The following TRPS1 variants were observed in gnomAD, a reference collection of about 807,000 sequenced individuals.
TRPS1 encodes the protein transcriptional repressor GATA binding 1.
A neutral mutation model predicts 101.2 loss-of-function variants in TRPS1; 6 were observed. The observed-to-expected ratio is 0.06, with a 90% CI of 0.03 to 0.12. TRPS1 has a LOEUF of 0.12. Among genes scored for constraint, TRPS1 ranks in the 10% least tolerant of loss-of-function variants. TRPS1 has a pLI of 1.00. For synonymous variants in TRPS1, 578 were observed against 589.8 expected, an observed-to-expected ratio of 0.98 and a Z score of 0.29; for missense variants, 1,363 against 1,567.0, an observed-to-expected ratio of 0.87 and a Z score of 2.20.
At chr8:115,479,423 G>A (rs1175245616) in intron 5 of TRPS1, among the ~76,000 whole-genome samples, 1 of 151,956 alleles carries the variant, frequency 6.6e-6, no homozygotes, top group Non-Finnish European at 1.5e-5. Context: ...AATATATAGT[G>A]GTTTGCACAG....
At chr8:115,582,196 T>A (rs575437313) in intron 5 of TRPS1, among the ~76,000 whole-genome samples, 1 of 152,318 alleles carries the variant, frequency 6.6e-6, no homozygotes, top group East Asian at 1.9e-4. Flanking sequence ...AACTGGAATT[T>A]TGCTTTCATT....
intron 5 of TRPS1, among the ~76,000 whole-genome samples, chr8:115,526,442 T>A (rs545204329): frequency 6.6e-6 from 1 of 152,306 alleles, no homozygotes; most frequent in South Asian, 2.1e-4. Flanking sequence ...TAATATATTT[T>A]AAAAAACAGT....
intron 5 of TRPS1, among the ~76,000 whole-genome samples, chr8:115,482,696 T>A (rs923116201): frequency 7.2e-5 from 11 of 152,172 alleles, no homozygotes; most frequent in Non-Finnish European, 2.9e-5. Context: ...TTGGTTCTTT[T>A]CATCAAAGAT....
At chr8:115,558,575 C>A (rs973866813) in intron 5 of TRPS1, among the ~76,000 whole-genome samples, 7 of 152,186 alleles carry the variant, frequency 4.6e-5, no homozygotes, top group African/African-American at 9.6e-5. Context: ...ATGAAAAACA[C>A]TTACTCCTGG....
chr8:115,647,404 T>TA (rs936546763), intron 1 of TRPS1, among the ~76,000 whole-genome samples: 2 of 152,148 alleles, frequency 1.3e-5, no homozygotes, highest in African/African-American at 4.8e-5. Context: ...GCTACTGTCT[T>TA]AAAGTTCATA....
intron 3 of TRPS1, among the ~76,000 whole-genome samples, chr8:115,616,884 A>G (rs1818287329): frequency 6.6e-6 from 1 of 152,132 alleles, no homozygotes; most frequent in Non-Finnish European, 1.5e-5. Flanking sequence ...AGTAACATAA[A>G]CTTGTTGGTA....
chr8:115,522,170 T>TA (rs1815881082), intron 5 of TRPS1, among the ~76,000 whole-genome samples: 1 of 152,034 alleles, frequency 6.6e-6, no homozygotes, highest in Admixed American at 6.6e-5. Flanking sequence ...ACCAACCTGT[T>TA]AGAATTATAG....
intron 2 of TRPS1, 84 bp from the exon 3 acceptor site, chr8:115,620,144 T>G (rs1818361830): frequency 7.0e-7 from 1 of 1,426,872 alleles, no homozygotes; most frequent in African/African-American, 1.4e-5. Flanking sequence ...TTTACTTATG[T>G]GAGTTTTTTA....
intron 1 of TRPS1, among the ~76,000 whole-genome samples, chr8:115,654,148 G>A (rs368053534): frequency 7.9e-5 from 12 of 152,080 alleles, no homozygotes; most frequent in African/African-American, 2.4e-4. Flanking sequence ...CTCCAACAAA[G>A]TATGATTAAA....
chr8:115,584,249 T>G (rs1047788376), intron 5 of TRPS1, among the ~76,000 whole-genome samples: 1 of 152,010 alleles, frequency 6.6e-6, no homozygotes, highest in Non-Finnish European at 1.5e-5. Context: ...AATGATTAAG[T>G]TTTACTTTAG....
At chr8:115,647,065 G>C (rs1253551815) in intron 1 of TRPS1, among the ~76,000 whole-genome samples, 1 of 152,050 alleles carries the variant, frequency 6.6e-6, no homozygotes, top group African/African-American at 2.4e-5. Context: ...TCACCTACAA[G>C]TTAAAATGGC....
intron 3 of TRPS1, among the ~76,000 whole-genome samples, chr8:115,617,187 T>C (rs1818293835): frequency 6.6e-6 from 1 of 152,244 alleles, no homozygotes; most frequent in African/African-American, 2.4e-5. Flanking sequence ...AACAGTATTA[T>C]TTATCTTGGA....
At chr8:115,503,948 C>T (rs571625550) in intron 5 of TRPS1, among the ~76,000 whole-genome samples, 2 of 152,172 alleles carry the variant, frequency 1.3e-5, no homozygotes, top group Non-Finnish European at 2.9e-5. Context: ...CAATAACTTA[C>T]ATATTTTTCC....
chr8:115,585,092 G>C (rs1053064812), intron 5 of TRPS1, among the ~76,000 whole-genome samples: 1 of 152,088 alleles, frequency 6.6e-6, no homozygotes, highest in Non-Finnish European at 1.5e-5. Flanking sequence ...TCATAGGGTT[G>C]GAATTTGGCT....
chr8:115,413,525 C>T lies in TRPS1; in HGVS notation c.*498G>A, dbSNP rs141938963. 467 of 153,120 alleles carry T rather than the reference C, an allele frequency of 3.0e-3. 1 individual carries two copies. The highest frequency in any genetic ancestry group is 5.0e-3 in the Non-Finnish European group (343 of 68,380). The allele number at this position is 153,120 out of a possible 1,614,324, so 9.5% of individuals were successfully genotyped here. A position where few individuals can be genotyped will look rare whatever the true frequency, so the allele number is the denominator to read the frequency against. On this transcript the variant is annotated 3_prime_UTR_variant, in exon 7 of 7. Transcript: ENST00000395715. ...ACTAAATTGAGAGGGCGCCATTTTT[C>T]TTTCATTGCCCTGGACCTTCAATTT...
At chr8:115,606,729 G>A (rs1418818780) in intron 3 of TRPS1, among the ~76,000 whole-genome samples, 1 of 143,608 alleles carries the variant, frequency 7.0e-6, no homozygotes, top group Non-Finnish European at 1.5e-5. Flanking sequence ...TCATAATACT[G>A]AAATATAATT....
Position 115,604,312 on chromosome 8 carries a change from C to G in TRPS1, c.1657G>C (p.Val553Leu), listed in dbSNP as rs780734185. The change falls in exon 4 of 7, where the codon GTA becomes CTA. Residue 553 changes from valine (V) to leucine (L), a missense_variant. Physicochemically the swap from Val to Leu is conservative, Grantham distance 32. This residue lies in a region of TRPS1 where 1,020 missense variants were observed against 1,073.0 expected (regional missense o/e 0.95). Coordinates refer to ENST00000395715, the MANE Select transcript of TRPS1 (RefSeq NM_014112.5). This position sits in a 1 kb window ranked among gnomAD's most constrained non-coding sequence, Gnocchi z 4.1. ...CGGAGAAGTGGCCCCACTACAATTA[C>G]ATCAGGGCCATGGCTTTTGGAATAT... is the stretch of plus-strand genomic sequence containing the variant. ...FRYSKSHGPDVIVVGPLLRHY... is the reference protein window; with the variant it reads ...FRYSKSHGPDLIVVGPLLRHY... 6.2e-7 allele frequency: 1 copy of G among 1,614,098 alleles called. No individual in the cohort carries two copies. The highest frequency in any genetic ancestry group is 1.7e-5 in the Admixed American group (1 of 60,004).
chr8:115,619,624 C>G lies in TRPS1; in HGVS notation c.474G>C (p.Gly158=), dbSNP rs756813763. The G allele has an allele frequency of 6.2e-7, 1 of 1,614,166 alleles. No individual in the cohort carries two copies. The highest frequency in any genetic ancestry group is 8.5e-7 in the Non-Finnish European group (1 of 1,180,030). Residue 158 remains glycine (G), a synonymous_variant, in exon 3 of 7, where the codon GGG becomes GGC. Transcript: ENST00000395715. ...DPQDMACTPS[G]DSLETKEDQK... ...GATCTTCCTTTGTCTCCAGTGAGTC[C>G]CCTGAGGGGGTGCAGGCCATATCTT...
At chr8:115,506,194 A>ATAATGTT (rs1307922218) in intron 5 of TRPS1, among the ~76,000 whole-genome samples, 1 of 151,966 alleles carries the variant, frequency 6.6e-6, no homozygotes, top group Non-Finnish European at 1.5e-5. Flanking sequence ...AATTTCATGA[A>ATAATGTT]TAATGTTAAT....
Sources: gnomAD v4.1 joint callset for allele counts (sites outside exome capture counted in the v4.1 genomes callset) on GRCh38, gnomAD v4.1.1 for gene constraint, gnomAD v4.1.1 regional missense constraint, Gnocchi (gnomAD v3.1) non-coding constraint, MANE v1.5 for transcripts, NCBI Gene and HGNC (gene_info 2026-07-23, HGNC 2026-07-21) for gene names.